Variants in MED27 observed in about 807,000 individuals in gnomAD.
The protein encoded by MED27 is mediator complex subunit 27.
In MED27, 30 loss-of-function variants were observed where a neutral mutation model predicts 38.2. The observed-to-expected ratio is 0.79, with a 90% CI of 0.59 to 1.07. The LOEUF (loss-of-function observed/expected upper bound fraction) is 1.07. Among genes scored for constraint, MED27 ranks in the 50% least tolerant of loss-of-function variants. The probability of loss-of-function intolerance (pLI) is 0.00; values close to 1 mark genes in which losing one functional copy is unlikely to be tolerated. For synonymous variants in MED27, 122 were observed against 153.5 expected, an observed-to-expected ratio of 0.79 and a Z score of 1.52; for missense variants, 289 against 397.5, an observed-to-expected ratio of 0.73 and a Z score of 2.32.
intron 3 of MED27, among the ~76,000 whole-genome samples, chr9:131,969,016 T>C (rs554957854): frequency 6.6e-6 from 1 of 152,260 alleles, no homozygotes; most frequent in East Asian, 1.9e-4. Context: ...GATGGGACTG[T>C]CTAGTTGCAG....
At chr9:131,973,457 C>CTTTTTTTTT (rs747946439) in intron 3 of MED27, among the ~76,000 whole-genome samples, 1 of 122,170 alleles carries the variant, frequency 8.2e-6, no homozygotes, top group Admixed American at 8.9e-5. Flanking sequence ...TTTTTCTTTT[C>CTTTTTTTTT]TTTTTTTTTT....
intron 4 of MED27, among the ~76,000 whole-genome samples, chr9:131,908,801 T>C (rs955532861): frequency 6.6e-6 from 1 of 151,612 alleles, no homozygotes; most frequent in African/African-American, 2.4e-5. Flanking sequence ...GTTTATCTGC[T>C]GACCTTCCCT....
At chr9:132,066,347 G>A (rs1053743777) in intron 2 of MED27, among the ~76,000 whole-genome samples, 2 of 152,258 alleles carry the variant, frequency 1.3e-5, no homozygotes, top group African/African-American at 4.8e-5. Context: ...CAGGCTCCTT[G>A]CAGCTGACCC....
chr9:132,075,909 C>G (rs1241866953), intron 2 of MED27, among the ~76,000 whole-genome samples: 3 of 152,194 alleles, frequency 2.0e-5, no homozygotes, highest in African/African-American at 7.2e-5. Context: ...CTCCCTCTCT[C>G]CCAACTCCAA....
At chr9:131,879,994 T>C (rs1040054941) in intron 6 of MED27, among the ~76,000 whole-genome samples, 4 of 152,252 alleles carry the variant, frequency 2.6e-5, no homozygotes, top group Non-Finnish European at 5.9e-5. Context: ...GCCAGGTCTC[T>C]GAATCTGCAA....
intron 6 of MED27, among the ~76,000 whole-genome samples, chr9:131,881,115 G>A (rs1839028879): frequency 6.6e-6 from 1 of 152,094 alleles, no homozygotes; most frequent in South Asian, 2.1e-4. Flanking sequence ...CAGATTGAGG[G>A]GAAAAGCTGA....
At chr9:132,066,029 G>A (rs1411303989) in intron 2 of MED27, among the ~76,000 whole-genome samples, 1 of 152,222 alleles carries the variant, frequency 6.6e-6, no homozygotes, top group Non-Finnish European at 1.5e-5. Context: ...TACAGTCCCT[G>A]GAGTGTGCTT....
At chr9:132,028,950 C>T (rs1001290459) in intron 2 of MED27, among the ~76,000 whole-genome samples, 16 of 152,138 alleles carry the variant, frequency 1.1e-4, no homozygotes, top group Non-Finnish European at 1.5e-4. Context: ...GCAGATTCAC[C>T]GGTAGCTTCA....
chr9:131,970,636 T>C (rs1458758096), intron 3 of MED27, among the ~76,000 whole-genome samples: 1 of 152,150 alleles, frequency 6.6e-6, no homozygotes, highest in Non-Finnish European at 1.5e-5. Context: ...AAATCAGGAA[T>C]AGACGTTCTC....
intron 2 of MED27, among the ~76,000 whole-genome samples, chr9:132,071,649 C>T (rs1041946415): frequency 1.3e-5 from 2 of 151,786 alleles, no homozygotes; most frequent in Non-Finnish European, 2.9e-5. Context: ...AACGAACACA[C>T]GCATGAGTAA....
At chr9:132,061,624 A>C (rs1333016227) in intron 2 of MED27, among the ~76,000 whole-genome samples, 2 of 152,222 alleles carry the variant, frequency 1.3e-5, no homozygotes, top group Non-Finnish European at 2.9e-5. Context: ...CATTTTACAG[A>C]TCAGGAAACA....
Position 131,860,199 on chromosome 9 carries a change from T to G in MED27, c.*339A>C. On this transcript the variant is annotated 3_prime_UTR_variant, in exon 8 of 8. Transcript: ENST00000292035. The surrounding 1 kb of genome is among the most constrained non-coding windows in gnomAD (Gnocchi z 5.8). ...CAAGAACCCCGCATGACGATACCCA[T>G]GAACACAAGGGCTCATTCCAGTAAC... 1 of 234,150 alleles carries G rather than the reference T, an allele frequency of 4.3e-6. No homozygotes were observed. The highest frequency in any genetic ancestry group is 5.5e-5 in the Admixed American group (1 of 18,278). The allele number at this position is 234,150 out of a possible 1,614,324, so 14.5% of individuals were successfully genotyped here.
chr9:132,019,705 C>T (rs1377677719), intron 2 of MED27, among the ~76,000 whole-genome samples: 1 of 152,224 alleles, frequency 6.6e-6, no homozygotes. Flanking sequence ...GACGGTGGGC[C>T]ATACAGGGTT....
intron 4 of MED27, among the ~76,000 whole-genome samples, chr9:131,923,489 C>G (rs1229094067): frequency 6.6e-6 from 1 of 152,212 alleles, no homozygotes; most frequent in Non-Finnish European, 1.5e-5. Context: ...TCAAAGGTTA[C>G]TAGTGTTAGT....
intron 4 of MED27, among the ~76,000 whole-genome samples, chr9:131,934,171 TATTACAAGAA>T (rs1463783670): frequency 1.3e-5 from 2 of 152,144 alleles, no homozygotes; most frequent in African/African-American, 4.8e-5. Context: ...ACTATGAAAC[TATTACAAGAA>T]AATGTTGGGG....
rs146649343 is a variant in MED27 at position 132,047,922 on chromosome 9, G to A, written c.348+29520C>T. Among the ~76,000 whole-genome samples, 612 of 152,132 alleles carry A rather than the reference G, an allele frequency of 4.0e-3. 1 individual carries two copies. Among genetic ancestry groups the A allele is most frequent in the Non-Finnish European group, 6.5e-3 (441 of 68,008 alleles). On this transcript the variant is annotated intron_variant, in intron 2 of 7. Transcript: ENST00000292035. ...TAGAAGGAGGTATAAAAATGCTGAT[G>A]GTGTTTAAAGCCCATTTATGCCTAG...
intron 4 of MED27, among the ~76,000 whole-genome samples, chr9:131,895,967 C>T (rs1383646178): frequency 6.6e-6 from 1 of 150,740 alleles, no homozygotes; most frequent in Non-Finnish European, 1.5e-5. Flanking sequence ...GGTGTGATCT[C>T]GGCTCACTGC....
In MED27 at chr9:131,883,543, G is replaced by C. The variant is rs147695782; in HGVS notation, c.723+515C>G. 3.7e-4 allele frequency among the ~76,000 whole-genome samples: 57 copies of C among 152,278 alleles called. 2 individuals carry two copies. In the East Asian group the frequency reaches 9.1e-3, roughly 24 times the overall value. On this transcript the variant is annotated intron_variant, in intron 6 of 7. Transcript: ENST00000292035. This position sits in a 1 kb window ranked among gnomAD's most constrained non-coding sequence, Gnocchi z 4.2. ...GTCCCCAGAGCACAAAGTGGGGAAGGGGCAGGGTGAGGGAGTGCCAGCCTG... is the reference window on the plus strand; with the variant it reads ...GTCCCCAGAGCACAAAGTGGGGAAGCGGCAGGGTGAGGGAGTGCCAGCCTG...
At chr9:131,973,680 A>G (rs940328588) in intron 3 of MED27, among the ~76,000 whole-genome samples, 1 of 151,296 alleles carries the variant, frequency 6.6e-6, no homozygotes, top group African/African-American at 2.4e-5. Flanking sequence ...CAAAGATGAC[A>G]TCCTTGAGCT....
Sources: allele counts gnomAD v4.1 joint callset (sites outside exome capture counted in the v4.1 genomes callset), GRCh38; gene constraint gnomAD v4.1.1; non-coding constraint Gnocchi (gnomAD v3.1); transcripts MANE v1.5; gene names NCBI Gene and HGNC (gene_info 2026-07-23, HGNC 2026-07-21).